USP15: variants seen among roughly 807,000 people sequenced by gnomAD.
The protein encoded by USP15 is ubiquitin specific peptidase 15.
Under a neutral mutation model 127.1 loss-of-function variants are expected in USP15, and 18 were observed. The ratio of observed to expected loss-of-function variants is 0.14; its 90% CI spans 0.10 to 0.21. The LOEUF is 0.21. Among genes scored for constraint, USP15 ranks in the 10% least tolerant of loss-of-function variants. USP15 has a pLI of 1.00. For synonymous variants in USP15, 364 were observed against 393.7 expected (o/e 0.92, Z 0.89); for missense variants, 805 against 1,159.9 (o/e 0.69, Z 4.44).
Position 62,260,472 on chromosome 12 carries a change from C to T in USP15, c.58C>T (p.Leu20Phe), listed in dbSNP as rs1314937949. ...CCAGCGGTCTGACATCGCGACGCTG[C>T]TCAAAACCTCGCTCCGGAAAGGGGA... ...DTQRSDIATL[L>F]KTSLRKGDTW... The change falls in exon 1 of 22, where the codon CTC (leucine) becomes TTC (phenylalanine). Residue 20 changes from leucine (L) to phenylalanine (F), a missense_variant. Physicochemically the swap from Leu to Phe is conservative, Grantham distance 22 (BLOSUM62 0). This residue lies in a region of USP15 where 45 missense variants were observed against 37.8 expected (regional missense o/e 1.19). Coordinates refer to ENST00000280377, the MANE Select transcript of USP15 (RefSeq NM_001252078.2). 6.4e-7 allele frequency: 1 copy of T among 1,551,864 alleles called. No homozygotes were observed. The highest frequency in any genetic ancestry group is 1.2e-5 in the South Asian group (1 of 84,060).
chr12:62,276,009 T>C (rs2063480953), intron 1 of USP15, among the ~76,000 whole-genome samples: 2 of 152,146 alleles, frequency 1.3e-5, no homozygotes, highest in South Asian at 2.1e-4. Flanking sequence ...CTTCAGTCTC[T>C]ATATCATTTT....
At chr12:62,374,291 T>C in intron 8 of USP15, 3 of 756,124 alleles carry the variant, frequency 4.0e-6, no homozygotes, top group Non-Finnish European at 4.8e-6. Context: ...TTTTTAAGGG[T>C]TGTGAGTGGT....
chr12:62,345,540 C>T (rs1438971211), intron 6 of USP15, among the ~76,000 whole-genome samples: 1 of 152,216 alleles, frequency 6.6e-6, no homozygotes, highest in Non-Finnish European at 1.5e-5. Context: ...TCTTCTGAGT[C>T]CTCCAAACTG....
chr12:62,389,479 G>T lies in USP15; in HGVS notation c.1522G>T (p.Ala508Ser). ...KIGNILDLCT[A>S]LSALSGIPAD... Reference sequence around the variant, plus strand: ...TGGAAACATATTAGATCTTTGTACAGCATTGTCTGCTTTGTCAGGAATACC... The same window carrying T: ...TGGAAACATATTAGATCTTTGTACATCATTGTCTGCTTTGTCAGGAATACC... The change falls in exon 12 of 22, where the codon GCA becomes TCA. Residue 508 changes from alanine (A) to serine (S), a missense_variant. Coordinates refer to ENST00000280377, the MANE Select transcript of USP15 (RefSeq NM_001252078.2). 6.2e-7 allele frequency: 1 copy of T among 1,613,726 alleles called. No individual in the cohort carries two copies. The highest frequency in any genetic ancestry group is 8.5e-7 in the Non-Finnish European group (1 of 1,179,912).
In USP15 at chr12:62,391,396, A is replaced by G. The variant is rs913575911; in HGVS notation, c.2200A>G (p.Ile734Val). The change falls in exon 16 of 22, where the codon ATA becomes GTA. Residue 734 changes from isoleucine (I) to valine (V), a missense_variant. This residue lies in a region of USP15 where 225 missense variants were observed against 239.5 expected (regional missense o/e 0.94). Coordinates refer to ENST00000280377, the MANE Select transcript of USP15 (RefSeq NM_001252078.2). ...INYIKDDTRH[I>V]RFDDRQLRLD... ...CTACATCAAAGATGATACCAGGCATATAAGATTTGATGATAGGCAGCTTAG... is the reference window on the plus strand; with the variant it reads ...CTACATCAAAGATGATACCAGGCATGTAAGATTTGATGATAGGCAGCTTAG... The G allele has an allele frequency of 8.7e-6, 14 of 1,612,098 alleles. No homozygotes were observed. Among genetic ancestry groups the G allele is most frequent in the South Asian group, 6.6e-5 (6 of 90,758 alleles).
At chr12:62,351,754 T>C (rs2137431795) in intron 7 of USP15, among the ~76,000 whole-genome samples, 2 of 152,188 alleles carry the variant, frequency 1.3e-5, no homozygotes, top group South Asian at 4.1e-4. Context: ...TGTCATATTA[T>C]GGAATTTTAA....
intron 1 of USP15, among the ~76,000 whole-genome samples, chr12:62,276,589 C>A (rs1296113658): frequency 6.6e-6 from 1 of 151,970 alleles, no homozygotes; most frequent in Non-Finnish European, 1.5e-5. Context: ...AGATAACACT[C>A]ATTATTTTTC....
chr12:62,387,775 A>T, intron 11 of USP15, among the ~76,000 whole-genome samples: 1 of 152,212 alleles, frequency 6.6e-6, no homozygotes, highest in East Asian at 1.9e-4. Context: ...AGGGAAAGCA[A>T]TGAGGTACCC....
At chr12:62,398,508 T>C (rs2067571707) in intron 20 of USP15, among the ~76,000 whole-genome samples, 1 of 152,226 alleles carries the variant, frequency 6.6e-6, no homozygotes, top group African/African-American at 2.4e-5. Flanking sequence ...TTCATTATCT[T>C]TCAATTGTAT....
intron 1 of USP15, among the ~76,000 whole-genome samples, chr12:62,268,097 T>G (rs190340646): frequency 1.3e-5 from 2 of 152,218 alleles, no homozygotes; most frequent in Admixed American, 1.3e-4. Context: ...ATTTACTATG[T>G]TAAGAGCATT....
At chr12:62,290,585 A>G (rs2063933159) in intron 1 of USP15, among the ~76,000 whole-genome samples, 7 of 152,192 alleles carry the variant, frequency 4.6e-5, no homozygotes, top group Admixed American at 4.6e-4. Context: ...TCTTTTAAGT[A>G]GAGCATTTAA....
intron 4 of USP15, among the ~76,000 whole-genome samples, chr12:62,317,899 G>T (rs2064876719): frequency 6.6e-6 from 1 of 152,040 alleles, no homozygotes; most frequent in Admixed American, 6.5e-5. Flanking sequence ...TTAAGTAAGA[G>T]ATAAAATAAT....
chr12:62,356,936 C>G (rs1478453656), intron 8 of USP15, among the ~76,000 whole-genome samples: 1 of 151,888 alleles, frequency 6.6e-6, no homozygotes, highest in African/African-American at 2.4e-5. Context: ...TGTGTTTATA[C>G]CAGTACTAGA....
intron 2 of USP15, among the ~76,000 whole-genome samples, chr12:62,299,896 C>T (rs1212417142): frequency 6.6e-6 from 1 of 152,062 alleles, no homozygotes; most frequent in Non-Finnish European, 1.5e-5. Flanking sequence ...TGATTTTTGA[C>T]GTGCATTTCC....
intron 18 of USP15, 142 bp from the exon 19 acceptor site, chr12:62,392,911 C>A (rs2067369070): frequency 3.8e-6 from 3 of 796,012 alleles, no homozygotes; most frequent in Non-Finnish European, 3.8e-6. Context: ...ATAAGAGTTG[C>A]TTTCAACCTG....
rs2067335132 is a variant in USP15 at position 62,391,846 on chromosome 12, C to G, written c.2264C>G (p.Pro755Arg). 1 of 1,608,466 alleles carries G rather than the reference C, an allele frequency of 6.2e-7. No homozygotes were observed. The highest frequency in any genetic ancestry group is 8.5e-7 in the Non-Finnish European group (1 of 1,177,342). The change falls in exon 17 of 22, where the codon CCT (proline) becomes CGT (arginine). Residue 755 changes from proline to arginine, a missense_variant. Transcript: ENST00000280377. ...TCTTTTCTTGCTTTGGATTGGGATC[C>G]TGATTTGAAAAAAAGATATTTTGAT... is the stretch of plus-strand genomic sequence containing the variant. Reference protein sequence around the residue: ...ERSFLALDWDPDLKKRYFDEN... With the variant: ...ERSFLALDWDRDLKKRYFDEN...
chr12:62,396,576 A>T (rs1192989390), intron 20 of USP15, among the ~76,000 whole-genome samples, 178 bp downstream of exon 20: 2 of 151,916 alleles, frequency 1.3e-5, no homozygotes, highest in Non-Finnish European at 2.9e-5. Flanking sequence ...CACATAGGGT[A>T]TAGAGAATTG....
chr12:62,394,257 T>G (rs1349950228), intron 19 of USP15, among the ~76,000 whole-genome samples: 1 of 152,188 alleles, frequency 6.6e-6, no homozygotes, highest in African/African-American at 2.4e-5. Context: ...TATCCCATTT[T>G]GCAAAAAGAA....
intron 1 of USP15, chr12:62,274,363 A>C (rs193112345): frequency 1.9e-4 from 29 of 152,152 alleles, no homozygotes; most frequent in Admixed American, 1.1e-3. Flanking sequence ...TTAGGCAATT[A>C]AGCAGGAACA....
Sources: allele counts gnomAD v4.1 joint callset (sites outside exome capture counted in the v4.1 genomes callset), GRCh38; gene constraint gnomAD v4.1.1; regional missense constraint gnomAD v4.1.1; transcripts MANE v1.5; gene names NCBI Gene and HGNC (gene_info 2026-07-23, HGNC 2026-07-21).